Variants in NCKAP5 observed in about 807,000 individuals in gnomAD.
The protein encoded by NCKAP5 is NCK associated protein 5, also known as nck-associated protein 5.
In NCKAP5, 92 loss-of-function variants were observed where a neutral mutation model predicts 167.0. The ratio of observed to expected loss-of-function variants is 0.55; its 90% CI spans 0.47 to 0.66. The LOEUF (loss-of-function observed/expected upper bound fraction) is 0.66. Ranked by LOEUF, NCKAP5 falls within the 30% of genes least tolerant of loss-of-function variation. NCKAP5 has a pLI of 0.00. For synonymous variants in NCKAP5, 891 were observed against 877.4 expected, an observed-to-expected ratio of 1.02 and a Z score of -0.27; for missense variants, 2,378 against 2,315.0, an observed-to-expected ratio of 1.03 and a Z score of -0.56.
chr2:133,628,226 T>C, the NCKAP5 span, among the ~76,000 whole-genome samples: 1 of 152,146 alleles, frequency 6.6e-6, no homozygotes, highest in South Asian at 2.1e-4. Context: ...GATGACATGA[T>C]CTTATATCTA....
At chr2:133,645,068 G>A in the NCKAP5 span, among the ~76,000 whole-genome samples, 1 of 152,166 alleles carries the variant, frequency 6.6e-6, no homozygotes, top group African/African-American at 2.4e-5. Flanking sequence ...TCAGCTGTAG[G>A]ACAAGGCAGA....
intron 16 of NCKAP5, among the ~76,000 whole-genome samples, chr2:132,739,750 G>T (rs551070236): frequency 6.6e-6 from 1 of 152,206 alleles, no homozygotes; most frequent in East Asian, 1.9e-4. Flanking sequence ...TCATTTCCCT[G>T]GGAGTCAGTT....
intron 6 of NCKAP5, among the ~76,000 whole-genome samples, chr2:133,027,362 T>C (rs1353262446): frequency 6.6e-6 from 1 of 152,246 alleles, no homozygotes; most frequent in African/African-American, 2.4e-5. Context: ...TTGGTACCTA[T>C]ATTCCAAACC....
chr2:133,499,759 C>T (rs1682324427), intron 3 of NCKAP5, among the ~76,000 whole-genome samples: 1 of 152,144 alleles, frequency 6.6e-6, no homozygotes, highest in Non-Finnish European at 1.5e-5. Flanking sequence ...GGGGTTTCAC[C>T]ATGTAGGCCA....
At position 132,808,190 on chromosome 2, in the gene NCKAP5, G is replaced by A. The variant is rs553633139; in HGVS notation, c.808-11461C>T. ...TTGTTAAAAATTTTAGCATATCTAT[G>A]TTCATCAAGGATATTGGTCTGTAGT... On this transcript the variant is annotated intron_variant, in intron 11 of 19. Coordinates refer to ENST00000409261, the MANE Select transcript of NCKAP5 (RefSeq NM_207363.3). Among the ~76,000 whole-genome samples, 10 of 152,102 alleles carry A rather than the reference G, an allele frequency of 6.6e-5. No individual in the cohort carries two copies. In the South Asian group the frequency reaches 1.7e-3, roughly 25 times the overall value.
chr2:133,340,504 T>C (rs1683501687), intron 3 of NCKAP5, among the ~76,000 whole-genome samples: 1 of 152,186 alleles, frequency 6.6e-6, no homozygotes, highest in African/African-American at 2.4e-5. Flanking sequence ...TTGGATCCTC[T>C]GTAATTGCCA....
intron 11 of NCKAP5, 107 bp downstream of exon 11, chr2:132,860,385 T>A (rs1400207184): frequency 4.0e-6 from 5 of 1,237,308 alleles, no homozygotes; most frequent in Non-Finnish European, 5.5e-6. Flanking sequence ...ATTGGGATTC[T>A]GATGCAATAT....
chr2:133,340,627 G>A (rs769700942), intron 3 of NCKAP5, among the ~76,000 whole-genome samples: 2 of 152,118 alleles, frequency 1.3e-5, no homozygotes, highest in Non-Finnish European at 1.5e-5. Context: ...TTATAAACAA[G>A]TTGACAAGCC....
At chr2:133,659,132 C>G in the NCKAP5 span, among the ~76,000 whole-genome samples, 1 of 151,924 alleles carries the variant, frequency 6.6e-6, no homozygotes, top group Admixed American at 6.6e-5. Flanking sequence ...TGTTCAGTAC[C>G]TAAGGCTAGT....
chr2:133,039,334 T>C (rs977712639), intron 6 of NCKAP5, among the ~76,000 whole-genome samples: 4 of 152,200 alleles, frequency 2.6e-5, no homozygotes, highest in Non-Finnish European at 4.4e-5. Context: ...TTTTAGGTGA[T>C]GATATATTGT....
chr2:133,510,879 C>T (rs1292243323), intron 3 of NCKAP5, among the ~76,000 whole-genome samples: 1 of 152,214 alleles, frequency 6.6e-6, no homozygotes, highest in Non-Finnish European at 1.5e-5. Context: ...TCAGATTTCT[C>T]ATTTGTAAAA....
intron 4 of NCKAP5, among the ~76,000 whole-genome samples, chr2:133,290,728 C>CTTTTTTTTTTTTTTT (rs58758295): frequency 1.9e-4 from 17 of 89,356 alleles, no homozygotes; most frequent in South Asian, 4.4e-4. Flanking sequence ...AGAATTTCTC[C>CTTTTTTTTTTTTTTT]TTTTTTTTTT....
chr2:132,950,397 A>C (rs1359771955), intron 8 of NCKAP5, among the ~76,000 whole-genome samples: 2 of 152,216 alleles, frequency 1.3e-5, no homozygotes, highest in South Asian at 4.1e-4. Flanking sequence ...CTATTGTAAT[A>C]ATTACATGGC....
chr2:132,833,712 A>G (rs2105378217), intron 11 of NCKAP5, among the ~76,000 whole-genome samples: 1 of 152,222 alleles, frequency 6.6e-6, no homozygotes, highest in Non-Finnish European at 1.5e-5. Flanking sequence ...ATTCTGTTCC[A>G]TTGAACAGAA....
chr2:133,558,085 A>G (rs1687873689), intron 2 of NCKAP5: 1 of 152,172 alleles, frequency 6.6e-6, no homozygotes, highest in African/African-American at 2.4e-5. Context: ...TACAAATAGA[A>G]TTGTTCAATC....
At chr2:133,527,755 G>A (rs1685043788) in intron 2 of NCKAP5, among the ~76,000 whole-genome samples, 1 of 151,960 alleles carries the variant, frequency 6.6e-6, no homozygotes, top group South Asian at 2.1e-4. Flanking sequence ...AGGGCAGCGG[G>A]CTAAACTCCC....
chr2:132,821,462 G>A (rs950767748), intron 11 of NCKAP5, among the ~76,000 whole-genome samples: 3 of 152,200 alleles, frequency 2.0e-5, no homozygotes, highest in Non-Finnish European at 4.4e-5. Context: ...CAGAGGAATT[G>A]TGGAGGGGTT....
At chr2:132,687,716 C>CACAA (rs2105099048) in intron 19 of NCKAP5, among the ~76,000 whole-genome samples, 1 of 125,372 alleles carries the variant, frequency 8.0e-6, no homozygotes, top group South Asian at 2.3e-4. Flanking sequence ...TACCTAAACA[C>CACAA]ACACACACAC....
upstream of NCKAP5, among the ~76,000 whole-genome samples, chr2:133,571,702 G>T (rs890213875): frequency 6.6e-6 from 1 of 152,146 alleles, no homozygotes; most frequent in Non-Finnish European, 1.5e-5. Flanking sequence ...ACAGCCAAAA[G>T]GTCTCTTAGA....
Sources: allele counts gnomAD v4.1 joint callset (sites outside exome capture counted in the v4.1 genomes callset), GRCh38; gene constraint gnomAD v4.1.1; transcripts MANE v1.5; gene names NCBI Gene and HGNC (gene_info 2026-07-23, HGNC 2026-07-21).